The following SHISA9 variants were observed in gnomAD, a reference collection of about 807,000 sequenced individuals.
SHISA9 encodes the protein shisa family member 9.
Under a neutral mutation model 38.0 loss-of-function variants are expected in SHISA9, and 13 were observed. The ratio of observed to expected loss-of-function variants is 0.34; its 90% CI spans 0.22 to 0.54. The LOEUF (loss-of-function observed/expected upper bound fraction) is 0.54. Among genes scored for constraint, SHISA9 ranks in the 20% least tolerant of loss-of-function variants. The probability of loss-of-function intolerance (pLI) is 0.91; values close to 1 mark genes in which losing one functional copy is unlikely to be tolerated. For missense variants in SHISA9, 538 were observed against 575.8 expected, an observed-to-expected ratio of 0.93 and a Z score of 0.67; for synonymous variants, 275 against 242.0, an observed-to-expected ratio of 1.14 and a Z score of -1.27.
chr16:12,957,959 G>A (rs1596549804), intron 2 of SHISA9, among the ~76,000 whole-genome samples: 1 of 152,184 alleles, frequency 6.6e-6, no homozygotes, highest in East Asian at 1.9e-4. Flanking sequence ...TAAGCCTAAT[G>A]ACCTCCCCAA....
chr16:13,449,690 T>A, the SHISA9 span, among the ~76,000 whole-genome samples: 1 of 152,210 alleles, frequency 6.6e-6, no homozygotes, highest in Non-Finnish European at 1.5e-5. Context: ...TCCATGATAT[T>A]CACGGCAAAC....
chr16:12,924,000 G>T (rs1306857134), intron 2 of SHISA9, among the ~76,000 whole-genome samples: 1 of 152,276 alleles, frequency 6.6e-6, no homozygotes, highest in Admixed American at 6.5e-5. Flanking sequence ...ACCATCTCAA[G>T]AACTTCAGGA....
chr16:13,411,960 A>G, the SHISA9 span, among the ~76,000 whole-genome samples: 2 of 152,214 alleles, frequency 1.3e-5, no homozygotes, highest in African/African-American at 4.8e-5. Context: ...AGCTATTACC[A>G]TCTACAATAG....
chr16:13,333,796 G>A, the SHISA9 span, among the ~76,000 whole-genome samples: 1 of 152,272 alleles, frequency 6.6e-6, no homozygotes, highest in Non-Finnish European at 1.5e-5. Flanking sequence ...GGAGGGGGAA[G>A]TTGGGGAGGG....
chr16:13,398,390 C>T, the SHISA9 span, among the ~76,000 whole-genome samples: 5 of 152,136 alleles, frequency 3.3e-5, no homozygotes, highest in East Asian at 1.9e-4. Flanking sequence ...ATACTCCTAA[C>T]CCCCGATGTT....
chr16:13,165,991 C>T (rs902647916), intron 2 of SHISA9, among the ~76,000 whole-genome samples: 2 of 152,110 alleles, frequency 1.3e-5, no homozygotes, highest in African/African-American at 2.4e-5. Flanking sequence ...GCCTGTAATT[C>T]GCCAGCTACT....
intron 2 of SHISA9, among the ~76,000 whole-genome samples, chr16:12,970,670 C>CTG (rs1567168209): frequency 6.7e-6 from 1 of 149,446 alleles, no homozygotes; most frequent in African/African-American, 2.5e-5. Context: ...ACCACCACAC[C>CTG]GGCTATTTTT....
At chr16:13,243,121 C>T (rs1262493175), downstream of SHISA9, among the ~76,000 whole-genome samples, 3 of 151,988 alleles carry the variant, frequency 2.0e-5, no homozygotes, top group Admixed American at 2.0e-4. Context: ...CTCCTGTAGT[C>T]CCAGCTACTC....
the SHISA9 span, among the ~76,000 whole-genome samples, chr16:13,439,930 C>T: frequency 6.6e-6 from 1 of 152,132 alleles, no homozygotes; most frequent in Non-Finnish European, 1.5e-5. Context: ...GTGATCTCAG[C>T]GATTTACCAG....
the SHISA9 span, among the ~76,000 whole-genome samples, chr16:13,257,851 C>G: frequency 1.3e-5 from 2 of 148,340 alleles, no homozygotes; most frequent in African/African-American, 5.0e-5. Context: ...GGAGGAAAAC[C>G]CAATTTAAAT....
the SHISA9 span, among the ~76,000 whole-genome samples, chr16:13,382,721 T>C: frequency 6.6e-6 from 1 of 150,764 alleles, no homozygotes; most frequent in Non-Finnish European, 1.5e-5. Flanking sequence ...AGCCGGGTGT[T>C]GTGGCAGGCG....
the SHISA9 span, among the ~76,000 whole-genome samples, chr16:13,389,634 A>T: frequency 6.6e-6 from 1 of 152,190 alleles, no homozygotes; most frequent in Non-Finnish European, 1.5e-5. Context: ...CATAGCATGG[A>T]ATCAGCAGGT....
At chr16:13,071,223 G>A (rs1185636157) in intron 2 of SHISA9, among the ~76,000 whole-genome samples, 1 of 152,086 alleles carries the variant, frequency 6.6e-6, no homozygotes, top group Non-Finnish European at 1.5e-5. Context: ...GGAGTGACAG[G>A]GTCATACGTA....
chr16:12,920,743 G>C (rs1033211919), intron 2 of SHISA9, among the ~76,000 whole-genome samples: 7 of 152,200 alleles, frequency 4.6e-5, no homozygotes, highest in Admixed American at 4.6e-4. Context: ...AGGTACCTTT[G>C]TCAAAACTAA....
At chr16:12,978,483 G>A (rs914644592) in intron 2 of SHISA9, among the ~76,000 whole-genome samples, 4 of 152,300 alleles carry the variant, frequency 2.6e-5, no homozygotes, top group African/African-American at 9.6e-5. Context: ...GAAATATTAG[G>A]CAGTGAGTGC....
chr16:13,194,526 C>T (rs4781426), intron 2 of SHISA9, among the ~76,000 whole-genome samples: 78,063 of 151,968 alleles, frequency 0.51, 21,328 homozygotes, highest in African/African-American at 0.71. Flanking sequence ...ATTCGATTAG[C>T]TAGTATATGG....
chr16:13,494,348 T>A, the SHISA9 span, among the ~76,000 whole-genome samples: 1 of 152,132 alleles, frequency 6.6e-6, no homozygotes, highest in African/African-American at 2.4e-5. Context: ...AGGTGAACAA[T>A]TGGGGACACT....
intron 2 of SHISA9, among the ~76,000 whole-genome samples, chr16:13,140,536 A>G (rs1567225306): frequency 6.6e-6 from 1 of 152,078 alleles, no homozygotes; most frequent in East Asian, 1.9e-4. Context: ...TAATAAATCC[A>G]CCCAACACAG....
chr16:13,026,292 G>A (rs956443242), intron 2 of SHISA9, among the ~76,000 whole-genome samples: 4 of 152,110 alleles, frequency 2.6e-5, no homozygotes, highest in African/African-American at 9.7e-5. Flanking sequence ...GTTTGATGAC[G>A]TTAGAGTCCT....
Sources: allele counts gnomAD v4.1 joint callset (sites outside exome capture counted in the v4.1 genomes callset), GRCh38; gene constraint gnomAD v4.1.1; transcripts MANE v1.5; gene names NCBI Gene and HGNC (gene_info 2026-07-23, HGNC 2026-07-21).